Variants in KHSRP observed in about 807,000 individuals in gnomAD.
The protein encoded by KHSRP is KH-type splicing regulatory protein.
KHSRP carries 13 observed loss-of-function variants against 94.9 expected under a neutral mutation model. The observed-to-expected ratio is 0.14, with a 90% confidence interval of 0.09 to 0.22. The LOEUF (loss-of-function observed/expected upper bound fraction) is 0.22. KHSRP is among the 10% of genes least tolerant of loss of function. The probability of loss-of-function intolerance (pLI) is 1.00; values close to 1 mark genes in which losing one functional copy is unlikely to be tolerated. For missense variants in KHSRP, 710 were observed against 1,010.0 expected (o/e 0.70, Z 4.03); for synonymous variants, 495 against 401.4 (o/e 1.23, Z -2.79).
intron 15 of KHSRP, 71 bp from the exon 16 acceptor site, chr19:6,415,967 G>A (rs1298168697): frequency 1.9e-6 from 2 of 1,031,238 alleles, no homozygotes; most frequent in South Asian, 1.7e-5. Flanking sequence ...CCTGGGGTGG[G>A]GATGTTTTTC....
rs1186296502 is a variant in KHSRP, at chr19:6,422,390, C to T, written c.296G>A (p.Ser99Asn). Residue 99 changes from serine (S) to asparagine (N), a missense_variant, in exon 2 of 19, where the codon AGC (serine) becomes AAC (asparagine). Ser to Asn is a conservative substitution (Grantham distance 46). Transcript: ENST00000600480. ...GCCCCCAAAACCAAAATCAGGAGTG[C>T]TGTTATTCACTGTCGTGGCAGCATC... ...GGDAATTVNN[S>N]TPDFGFGGQK... 3.1e-6 allele frequency: 5 copies of T among 1,613,860 alleles called. No individual in the cohort carries two copies. The highest frequency in any genetic ancestry group is 4.2e-6 in the Non-Finnish European group (5 of 1,179,848).
At chr19:6,419,059 G>T in intron 7 of KHSRP, 144 bp downstream of exon 7, 1 of 1,095,876 alleles carries the variant, frequency 9.1e-7, no homozygotes, top group Non-Finnish European at 1.3e-6. Flanking sequence ...CGGGGAATCA[G>T]CCTCATGTTA....
rs759058565 is a variant in KHSRP, at chr19:6,416,526, A to G, written c.1452T>C (p.Ile484=). Residue 484 remains isoleucine (I), a synonymous_variant, in exon 14 of 19, where the codon ATT becomes ATC. Coordinates refer to ENST00000600480, the MANE Select transcript of KHSRP (RefSeq NM_001366299.1). ...LFIIRGSPQQ[I]DHAKQLIEEK... ...CCTCGATAAGCTGCTTGGCGTGGTC[A>G]ATCTGCTGGGGTGAACCCCGGATGA... is the stretch of plus-strand genomic sequence containing the variant. The G allele has an allele frequency of 3.7e-6, 6 of 1,613,426 alleles. No homozygotes were observed. In the African/African-American group the frequency reaches 8.0e-5, roughly 22 times the overall value.
chr19:6,414,455 C>T lies in KHSRP; in HGVS notation c.*569G>A, dbSNP rs2092126610. The T allele has an allele frequency of 8.5e-7, 1 of 1,182,462 alleles. No individual in the cohort carries two copies. Among genetic ancestry groups the T allele is most frequent in the Non-Finnish European group, 1.0e-6 (1 of 953,494 alleles). The allele number at this position is 1,182,462 out of a possible 1,614,324, so 73.2% of individuals were successfully genotyped here. On this transcript the variant is annotated 3_prime_UTR_variant, in exon 19 of 19. Transcript: ENST00000600480. ...GGCGCAGCACGACGACATGAACAAT[C>T]CAGAGATCATGGTGTCCCCACAACA...
Position 6,415,461 on chromosome 19 carries a change from T to C in KHSRP, c.1889-4A>G, listed in dbSNP as rs1248870995. Reference sequence around the variant, plus strand: ...CCGGGCTGCTGGGGCTGCTGGCCTGTGCGGGCGCCGAGACAGGTCAGAAAC... The same window carrying C: ...CCGGGCTGCTGGGGCTGCTGGCCTGCGCGGGCGCCGAGACAGGTCAGAAAC... On this transcript the variant is annotated splice_polypyrimidine_tract_variant and splice_region_variant and intron_variant, in intron 17 of 18. Transcript: ENST00000600480. The C allele has an allele frequency of 1.3e-6, 2 of 1,557,526 alleles. No homozygotes were observed. The highest frequency in any genetic ancestry group is 1.7e-6 in the Non-Finnish European group (2 of 1,150,694).
intron 7 of KHSRP, 60 bp downstream of exon 7, chr19:6,419,143 G>C: frequency 6.7e-7 from 1 of 1,485,498 alleles, no homozygotes; most frequent in Non-Finnish European, 9.2e-7. Context: ...CAATTCAAAC[G>C]GACAGAGCAG....
Position 6,418,471 on chromosome 19 carries a change from G to A in KHSRP, c.879+12C>T, listed in dbSNP as rs1476696386. On this transcript the variant is annotated intron_variant, in intron 9 of 18. Coordinates refer to ENST00000600480, the MANE Select transcript of KHSRP (RefSeq NM_001366299.1). The surrounding 1 kb of genome is among the most constrained non-coding windows in gnomAD (Gnocchi z 4.3). ...CTCCAGAACCCCCTCCACCACCCCAGGGCGTGCTCACCTGCACTTTGTAAG... is the reference window on the plus strand; with the variant it reads ...CTCCAGAACCCCCTCCACCACCCCAAGGCGTGCTCACCTGCACTTTGTAAG... 2.5e-6 allele frequency: 4 copies of A among 1,608,430 alleles called. No homozygotes were observed. The highest frequency in any genetic ancestry group is 1.7e-5 in the Admixed American group (1 of 59,718).
At position 6,416,510 on chromosome 19, in the gene KHSRP, G is replaced by A; in HGVS notation, c.1468C>T (p.Leu490Phe). The A allele has an allele frequency of 6.2e-7, 1 of 1,613,162 alleles. No homozygotes were observed. The highest frequency in any genetic ancestry group is 8.5e-7 in the Non-Finnish European group (1 of 1,179,546). ...CCCACCTCGATCTTTTCCTCGATAA[G>A]CTGCTTGGCGTGGTCAATCTGCTGG... ...SPQQIDHAKQ[L>F]IEEKIEGPLC... Residue 490 changes from leucine (L) to phenylalanine (F), a missense_variant, in exon 14 of 19, where the codon CTT (leucine) becomes TTT (phenylalanine). Physicochemically the swap from Leu to Phe is conservative, Grantham distance 22. Coordinates refer to ENST00000600480, the MANE Select transcript of KHSRP (RefSeq NM_001366299.1).
rs2092121402 is a variant in KHSRP at position 6,414,043 on chromosome 19, G to A, written c.*981C>T. On this transcript the variant is annotated 3_prime_UTR_variant, in exon 19 of 19. Transcript: ENST00000600480. ...CGCTCTCTCGCCAAACAAAACAGAA[G>A]CCCCCAAACAGAACAAAATGGAAAA... The A allele has an allele frequency of 3.3e-6, 5 of 1,500,538 alleles. No individual in the cohort carries two copies. Among genetic ancestry groups the A allele is most frequent in the East Asian group, 2.6e-5 (1 of 38,700 alleles). 93.0% of individuals were successfully genotyped at this position (1,500,538 alleles called of 1,614,324 possible). A position where few individuals can be genotyped will look rare whatever the true frequency, so the allele number is the denominator to read the frequency against.
In KHSRP at chr19:6,414,862, C is replaced by A; in HGVS notation, c.*162G>T. On this transcript the variant is annotated 3_prime_UTR_variant, in exon 19 of 19. Coordinates refer to ENST00000600480, the MANE Select transcript of KHSRP (RefSeq NM_001366299.1). ...CTCCCCAGCAGTTCAGAAGTCCCGCCTGCGAGTCTCAGCGCTCCCCAGCAT... is the reference window on the plus strand; with the variant it reads ...CTCCCCAGCAGTTCAGAAGTCCCGCATGCGAGTCTCAGCGCTCCCCAGCAT... The A allele has an allele frequency of 7.6e-7, 1 of 1,309,688 alleles. No individual in the cohort carries two copies. The highest frequency in any genetic ancestry group is 9.7e-7 in the Non-Finnish European group (1 of 1,030,640). 81.1% of individuals were successfully genotyped at this position (1,309,688 alleles called of 1,614,324 possible).
chr19:6,416,169 T>C lies in KHSRP; in HGVS notation c.1598+129A>G, dbSNP rs566836427. ...TAGACAGGAGAGGGCCTGTTGATGG[T>C]ATCCACAAAAATGGGCTGGATGAGG... is the stretch of plus-strand genomic sequence containing the variant. On this transcript the variant is annotated intron_variant, in intron 15 of 18. Transcript: ENST00000600480. 2.4e-5 allele frequency: 17 copies of C among 721,108 alleles called. No individual in the cohort carries two copies. In the African/African-American group the frequency reaches 2.5e-4, roughly 11 times the overall value. 44.7% of individuals were successfully genotyped at this position (721,108 alleles called of 1,614,324 possible). A position where few individuals can be genotyped will look rare whatever the true frequency, so the allele number is the denominator to read the frequency against.
At chr19:6,424,387 AC>A (rs993464247) in intron 1 of KHSRP, 65 bp downstream of exon 1, 36 of 774,254 alleles carry the variant, frequency 4.6e-5, no homozygotes, top group South Asian at 2.4e-4. Context: ...CGCGCACGTG[AC>A]CCCCGCCCCC....
intron 1 of KHSRP, among the ~76,000 whole-genome samples, chr19:6,423,808 T>C (rs1175441295): frequency 6.6e-6 from 1 of 152,210 alleles, no homozygotes; most frequent in African/African-American, 2.4e-5. Flanking sequence ...TAGCAGCATG[T>C]GACACTTCCT....
rs779201149 is a variant in KHSRP at position 6,415,033 on chromosome 19, C to T, written c.2235G>A (p.Val745=). 2 of 1,505,364 alleles carry T rather than the reference C, an allele frequency of 1.3e-6. No homozygotes were observed. Among genetic ancestry groups the T allele is most frequent in the Non-Finnish European group, 1.8e-6 (2 of 1,136,384 alleles). 93.3% of individuals were successfully genotyped at this position (1,505,364 alleles called of 1,614,324 possible). Residue 745 remains valine, a synonymous_variant, in exon 19 of 19, where the codon GTG becomes GTA. Coordinates refer to ENST00000600480, the MANE Select transcript of KHSRP (RefSeq NM_001366299.1). ...GCCCCCGCTGCAGGCATCAAGGGCA[C>T]ACCCCGCAGGGGAAGGGGTTTCCGG... ...GSAGNPFPCG[V]CP is the part of the protein sequence containing the mutation.
At position 6,416,523 on chromosome 19, in the gene KHSRP, G is replaced by A. The variant is rs774174243; in HGVS notation, c.1455C>T (p.Asp485=). The A allele has an allele frequency of 2.5e-6, 4 of 1,613,640 alleles. No homozygotes were observed. The South Asian group carries it at 3.3e-5, about 13-fold the overall frequency. ...TTTCCTCGATAAGCTGCTTGGCGTG[G>A]TCAATCTGCTGGGGTGAACCCCGGA... ...FIIRGSPQQI[D]HAKQLIEEKI... Residue 485 remains aspartate, a synonymous_variant, in exon 14 of 19, where the codon GAC becomes GAT. Coordinates refer to ENST00000600480, the MANE Select transcript of KHSRP (RefSeq NM_001366299.1).
Position 6,418,633 on chromosome 19 carries a change from G to A in KHSRP, c.781-52C>T. ...GCTGGGCTCTCCCAGGACTTCCTGG[G>A]CTGCTGTGGTGGTGGCGGTGGGGTG... On this transcript the variant is annotated intron_variant, in intron 8 of 18. Transcript: ENST00000600480. This position sits in a 1 kb window ranked among gnomAD's most constrained non-coding sequence, Gnocchi z 4.3. 6.2e-7 allele frequency: 1 copy of A among 1,613,026 alleles called. No homozygotes were observed. The highest frequency in any genetic ancestry group is 8.5e-7 in the Non-Finnish European group (1 of 1,179,008).
chr19:6,421,160 G>A, intron 4 of KHSRP, 118 bp downstream of exon 4: 3 of 901,450 alleles, frequency 3.3e-6, no homozygotes, highest in Non-Finnish European at 5.2e-6. Context: ...CTGGTCAACT[G>A]GCACTGGGGG....
At chr19:6,417,601 T>G (rs1463240142) in intron 11 of KHSRP, 138 bp downstream of exon 11, 3 of 665,698 alleles carry the variant, frequency 4.5e-6, no homozygotes, top group Non-Finnish European at 8.0e-6. Flanking sequence ...GGACTGGCCA[T>G]GTTCTGACGG....
At position 6,414,762 on chromosome 19, in the gene KHSRP, A is replaced by C; in HGVS notation, c.*262T>G. 1 of 1,103,600 alleles carries C rather than the reference A, an allele frequency of 9.1e-7. No individual in the cohort carries two copies. Among genetic ancestry groups the C allele is most frequent in the Non-Finnish European group, 1.1e-6 (1 of 906,198 alleles). The allele number at this position is 1,103,600 out of a possible 1,614,324, so 68.4% of individuals were successfully genotyped here. ...GGGAAAAAATAGACGTTTTCTTCCC[A>C]AGTGGCCAGATTGTGAGCGAGGTGG... On this transcript the variant is annotated 3_prime_UTR_variant, in exon 19 of 19. Transcript: ENST00000600480.
Sources: gnomAD v4.1 joint callset for allele counts (sites outside exome capture counted in the v4.1 genomes callset) on GRCh38, gnomAD v4.1.1 for gene constraint, Gnocchi (gnomAD v3.1) non-coding constraint, MANE v1.5 for transcripts, NCBI Gene and HGNC (gene_info 2026-07-23, HGNC 2026-07-21) for gene names.